The following NEBL variants were observed in gnomAD, a reference collection of about 807,000 sequenced individuals.
NEBL encodes the protein LIM and SH3 protein 2.
Under a neutral mutation model 140.2 loss-of-function variants are expected in NEBL, and 122 were observed. The ratio of observed to expected loss-of-function variants is 0.87; its 90% CI spans 0.75 to 1.01. The LOEUF is 1.01. Ranked by LOEUF, NEBL falls within the 50% of genes least tolerant of loss-of-function variation. The pLI is 0.00. For missense variants in NEBL, 1,365 were observed against 1,231.3 expected (o/e 1.11, Z -1.62); for synonymous variants, 436 against 398.9 (o/e 1.09, Z -1.11).
chr10:21,027,329 T>G (rs1269467373), intron 2 of NEBL, among the ~76,000 whole-genome samples: 3 of 149,600 alleles, frequency 2.0e-5, no homozygotes, highest in African/African-American at 4.9e-5. Flanking sequence ...TTTTTTTGTT[T>G]TTTTTTTTTT....
intron 4 of NEBL, among the ~76,000 whole-genome samples, chr10:20,915,553 A>G (rs889180550): frequency 4.0e-5 from 6 of 151,204 alleles, no homozygotes; most frequent in African/African-American, 7.3e-5. Context: ...ATGATTTCCA[A>G]TTTCATCCAT....
At chr10:21,103,642 T>C (rs1477795864) in intron 2 of NEBL, among the ~76,000 whole-genome samples, 4 of 152,204 alleles carry the variant, frequency 2.6e-5, no homozygotes, top group Admixed American at 2.0e-4. Flanking sequence ...TGCCCATTTC[T>C]AATTGGGTTT....
At position 21,048,071 on chromosome 10, in the gene NEBL, C is replaced by T. The variant is rs530165997; in HGVS notation, c.165-27870G>A. On this transcript the variant is annotated intron_variant, in intron 2 of 6. Coordinates refer to the NEBL transcript ENST00000417816. The stretch of plus-strand genomic sequence containing the variant: ...TCAACACATTGCAATGCAAAGTGAG[C>T]GGTTCTCCAAGACAAAAATTTCTGC... 2.0e-5 allele frequency among the ~76,000 whole-genome samples: 3 copies of T among 152,248 alleles called. No homozygotes were observed. The East Asian group carries it at 5.8e-4, about 29-fold the overall frequency.
In NEBL at chr10:20,889,936, T is replaced by G. The variant is rs776385162; in HGVS notation, c.167A>C (p.Glu56Ala). 6 of 1,595,706 alleles carry G rather than the reference T, an allele frequency of 3.8e-6. No individual in the cohort carries two copies. In the South Asian group the frequency reaches 5.6e-5, roughly 15 times the overall value. The change falls in exon 3 of 28, where the codon GAA (glutamate) becomes GCA (alanine). Residue 56 changes from glutamate (E) to alanine (A), a missense_variant. Glu to Ala is a moderately radical substitution (Grantham distance 107). This residue lies in a region of NEBL where 1,323 missense variants were observed against 1,154.8 expected (regional missense o/e 1.15). Transcript: ENST00000377122. ...TELISDIRYK[E>A]EFKKSKDKCT... The stretch of plus-strand genomic sequence containing the variant: ...CTTATCCTTGGACTTTTTAAACTCT[T>G]CTTTATAACGGATCTAAAAAAGAGA...
At chr10:21,171,153 T>G (rs1224706424) in intron 2 of NEBL, among the ~76,000 whole-genome samples, 1 of 151,956 alleles carries the variant, frequency 6.6e-6, no homozygotes, top group African/African-American at 2.4e-5. Context: ...CTGACCAACA[T>G]GGAGAAACCC....
In NEBL at chr10:20,963,046, ACG is replaced by A. The variant is rs1836131072; in HGVS notation, c.250-1269_250-1268del. On this transcript the variant is annotated intron_variant, in intron 3 of 6. Coordinates refer to the NEBL transcript ENST00000417816. ...CACACACACACACACACACACACACACGGAAATCTAGATACTCTCATCGCTTT... is the reference window on the plus strand; with the variant it reads ...CACACACACACACACACACACACACAGAAATCTAGATACTCTCATCGCTTT... 3.4e-5 allele frequency among the ~76,000 whole-genome samples: 5 copies of A among 147,818 alleles called. No individual in the cohort carries two copies. The South Asian group carries it at 1.1e-3, about 33-fold the overall frequency.
At chr10:20,910,887 G>A (rs1437352753) in intron 4 of NEBL, among the ~76,000 whole-genome samples, 1 of 151,338 alleles carries the variant, frequency 6.6e-6, no homozygotes, top group East Asian at 1.9e-4. Context: ...GTAGGCACTG[G>A]CCAGGCATGG....
chr10:21,183,824 C>T (rs1308097217), intron 3 of NEBL, among the ~76,000 whole-genome samples: 3 of 152,070 alleles, frequency 2.0e-5, no homozygotes, highest in Non-Finnish European at 4.4e-5. Flanking sequence ...GTGGGAAGGA[C>T]CCAGTGAAAG....
At chr10:21,172,690 C>T (rs981338557) in intron 1 of NEBL, among the ~76,000 whole-genome samples, 1 of 151,998 alleles carries the variant, frequency 6.6e-6, no homozygotes, top group African/African-American at 2.4e-5. Context: ...GAAAACCCAC[C>T]GCAATACACA....
At chr10:21,005,068 A>T (rs1205212548) in intron 3 of NEBL, among the ~76,000 whole-genome samples, 2 of 152,202 alleles carry the variant, frequency 1.3e-5, no homozygotes, top group African/African-American at 4.8e-5. Context: ...GTAACACCTT[A>T]TGCCCTCCAT....
chr10:20,880,970 TG>T, intron 4 of NEBL, 66 bp from the exon 5 acceptor site: 1 of 1,306,622 alleles, frequency 7.7e-7, no homozygotes, highest in Non-Finnish European at 1.1e-6. Flanking sequence ...CTAATTTCAG[TG>T]TTTTGCCAGG....
intron 3 of NEBL, among the ~76,000 whole-genome samples, chr10:21,006,114 TTTCC>T (rs1370572356): frequency 6.6e-6 from 1 of 152,154 alleles, no homozygotes; most frequent in African/African-American, 2.4e-5. Context: ...TAGAGCTCTA[TTTCC>T]TTCCTTTAAA....
chr10:20,798,966 G>T (rs963184064), intron 26 of NEBL, among the ~76,000 whole-genome samples: 3 of 151,920 alleles, frequency 2.0e-5, no homozygotes, highest in African/African-American at 7.3e-5. Flanking sequence ...TACAAGTTTC[G>T]CTGCCCGAAA....
intron 1 of NEBL, among the ~76,000 whole-genome samples, chr10:21,287,942 A>C (rs1341084223): frequency 1.3e-5 from 2 of 152,246 alleles, no homozygotes; most frequent in African/African-American, 4.8e-5. Flanking sequence ...TAGGCAGAGC[A>C]TATGTTCATA....
intron 19 of NEBL, among the ~76,000 whole-genome samples, chr10:20,821,006 T>C (rs1328001887): frequency 1.3e-5 from 2 of 152,172 alleles, no homozygotes; most frequent in African/African-American, 2.4e-5. Flanking sequence ...TGCCATGGTA[T>C]GTAGTTTGAG....
At position 20,924,363 on chromosome 10, in the gene NEBL, G is replaced by A. The variant is rs920313259; in HGVS notation, c.357+37309C>T. On this transcript the variant is annotated intron_variant, in intron 4 of 6. Coordinates refer to the NEBL transcript ENST00000417816. ...CTTTGTATCCACACCTTAAGTTACC[G>A]ATTTGACAGATGTGTATCAAATGCC... Among the ~76,000 whole-genome samples, 44 of 127,534 alleles carry A rather than the reference G, an allele frequency of 3.5e-4. No individual in the cohort carries two copies. In the Admixed American group the frequency reaches 4.3e-3, roughly 12 times the overall value. 83.7% of individuals were successfully genotyped at this position (127,534 alleles called of 152,430 possible). A position where few individuals can be genotyped will look rare whatever the true frequency, so the allele number is the denominator to read the frequency against.
At chr10:20,993,844 T>C (rs1837564062) in intron 3 of NEBL, among the ~76,000 whole-genome samples, 1 of 152,218 alleles carries the variant, frequency 6.6e-6, no homozygotes, top group African/African-American at 2.4e-5. Context: ...TACTCCCTGA[T>C]CTGGGGCACT....
intron 26 of NEBL, among the ~76,000 whole-genome samples, chr10:20,801,271 G>GGTGT (rs1441692794): frequency 2.0e-5 from 3 of 151,724 alleles, no homozygotes; most frequent in Non-Finnish European, 4.4e-5. Context: ...GGAGTGCAGT[G>GGTGT]GTGTGATCTC....
At chr10:21,226,913 C>A (rs1350787) in intron 3 of NEBL, among the ~76,000 whole-genome samples, 2 of 152,052 alleles carry the variant, frequency 1.3e-5, no homozygotes, top group African/African-American at 4.8e-5. Context: ...ATGGAAAGGA[C>A]CATCACTGGA....
Sources: allele counts gnomAD v4.1 joint callset (sites outside exome capture counted in the v4.1 genomes callset), GRCh38; gene constraint gnomAD v4.1.1; regional missense constraint gnomAD v4.1.1; transcripts MANE v1.5; gene names NCBI Gene and HGNC (gene_info 2026-07-23, HGNC 2026-07-21).